The following TFEC variants were observed in gnomAD, a reference collection of about 807,000 sequenced individuals.
The protein encoded by TFEC is class E basic helix-loop-helix protein 34.
TFEC carries 31 observed loss-of-function variants against 41.6 expected under a neutral mutation model. The observed-to-expected ratio is 0.74, with a 90% CI of 0.56 to 1.01. TFEC has a LOEUF of 1.01. TFEC is among the 50% of genes least tolerant of loss of function. The pLI, the probability that TFEC is intolerant of heterozygous loss-of-function variation, is 0.00. For synonymous variants in TFEC, 143 were observed against 140.6 expected, an observed-to-expected ratio of 1.02 and a Z score of -0.12; for missense variants, 402 against 404.1, an observed-to-expected ratio of 0.99 and a Z score of 0.04.
At chr7:116,005,646 T>C (rs1390807941) in intron 1 of TFEC, among the ~76,000 whole-genome samples, 1 of 152,164 alleles carries the variant, frequency 6.6e-6, no homozygotes, top group Non-Finnish European at 1.5e-5. Flanking sequence ...AGCCTGACAA[T>C]GCAATAGAAA....
At chr7:116,115,722 G>T (rs768015279) in intron 1 of TFEC, among the ~76,000 whole-genome samples, 1 of 151,902 alleles carries the variant, frequency 6.6e-6, no homozygotes, top group Non-Finnish European at 1.5e-5. Context: ...GGCATATCTG[G>T]GGGTTCATTA....
At chr7:116,136,935 C>A (rs1798444368) in intron 1 of TFEC, among the ~76,000 whole-genome samples, 1 of 152,020 alleles carries the variant, frequency 6.6e-6, no homozygotes, top group African/African-American at 2.4e-5. Flanking sequence ...TATTCCAAAT[C>A]TCTTCTCAAT....
At position 116,112,534 on chromosome 7, in the gene TFEC, C is replaced by T. The variant is rs115308244; in HGVS notation, c.-68-496G>A. On this transcript the variant is annotated intron_variant, in intron 1 of 8. Coordinates refer to the TFEC transcript ENST00000484212. The stretch of plus-strand genomic sequence containing the variant: ...TGGTTGTTTGGCTAACTGATTATAG[C>T]TGTACACATGACAATTGGTGCCCAA... Among the ~76,000 whole-genome samples, 1,197 of 152,070 alleles carry T rather than the reference C, an allele frequency of 7.9e-3. 13 individuals are homozygous for T. Among genetic ancestry groups the T allele is most frequent in the African/African-American group, 0.027 (1,109 of 41,526 alleles).
At chr7:115,945,141 T>C (rs1170059145) in intron 6 of TFEC, among the ~76,000 whole-genome samples, 1 of 26,754 alleles carries the variant, frequency 3.7e-5, no homozygotes, top group Non-Finnish European at 1.7e-4. Context: ...TTGTATGGTC[T>C]TTTTTTTTTT....
rs182921555 is a variant in TFEC, at chr7:115,939,115, A to T, written c.*1436T>A. On this transcript the variant is annotated 3_prime_UTR_variant, in exon 8 of 8. Coordinates refer to ENST00000265440, the MANE Select transcript of TFEC (RefSeq NM_012252.4). ...CCTTCTGTATTTACAGTTTATGCTT[A>T]GATTTTTTATTCTATATGTCTTCTA... The T allele has an allele frequency of 6.6e-6, 1 of 152,104 alleles. No individual in the cohort carries two copies. The highest frequency in any genetic ancestry group is 1.5e-5 in the Non-Finnish European group (1 of 67,934). 9.4% of individuals were successfully genotyped at this position (152,104 alleles called of 1,614,324 possible). A position where few individuals can be genotyped will look rare whatever the true frequency, so the allele number is the denominator to read the frequency against.
intron 3 of TFEC, among the ~76,000 whole-genome samples, chr7:116,074,964 C>T (rs1200294337): frequency 6.6e-6 from 1 of 152,164 alleles, no homozygotes; most frequent in Non-Finnish European, 1.5e-5. Flanking sequence ...AGTTCTGATA[C>T]ATGACATCCT....
At chr7:116,037,882 A>C (rs578008330) in intron 3 of TFEC, among the ~76,000 whole-genome samples, 181 of 152,170 alleles carry the variant, frequency 1.2e-3, no homozygotes, top group African/African-American at 4.2e-3. Flanking sequence ...GTCAGGCAAA[A>C]GTGTGGAGGA....
intron 3 of TFEC, among the ~76,000 whole-genome samples, chr7:116,095,942 T>C (rs550382022): frequency 6.6e-6 from 1 of 152,324 alleles, no homozygotes. Context: ...TCTGTTGCCT[T>C]TGCAACTAAC....
rs182917739 is a variant in TFEC, at chr7:115,992,973, G to A, written c.-72-8460C>T. Among the ~76,000 whole-genome samples, 1,188 of 152,218 alleles carry A rather than the reference G, an allele frequency of 7.8e-3. 26 individuals carry two copies. Among genetic ancestry groups the A allele is most frequent in the African/African-American group, 0.027 (1,128 of 41,520 alleles). On this transcript the variant is annotated intron_variant, in intron 1 of 7. Coordinates refer to ENST00000265440, the MANE Select transcript of TFEC (RefSeq NM_012252.4). ...ATCCTCAGTAAAATACTGGCAAACC[G>A]AATCCAGCAGCACATTAAAAAGCTT...
intron 1 of TFEC, among the ~76,000 whole-genome samples, chr7:116,001,699 A>G (rs1392967220): frequency 2.6e-4 from 40 of 152,162 alleles, no homozygotes. Context: ...CAATCAACAA[A>G]GTGAAGAGAC....
upstream of TFEC, among the ~76,000 whole-genome samples, chr7:116,034,502 G>T (rs1261850953): frequency 2.6e-5 from 4 of 151,676 alleles, no homozygotes; most frequent in Admixed American, 2.6e-4. Context: ...CCTTCAACGT[G>T]TCCATCAGTA....
At chr7:116,118,552 C>T (rs954923211) in intron 1 of TFEC, among the ~76,000 whole-genome samples, 14 of 151,616 alleles carry the variant, frequency 9.2e-5, no homozygotes, top group African/African-American at 3.1e-4. Context: ...CTTTTGCCCC[C>T]TATATAAGTC....
chr7:116,137,358 G>A (rs112290250), intron 1 of TFEC, among the ~76,000 whole-genome samples: 1 of 152,084 alleles, frequency 6.6e-6, no homozygotes, highest in Non-Finnish European at 1.5e-5. Context: ...AATCCTCAAG[G>A]GAAAGAAATA....
At chr7:116,107,890 T>C (rs1214400217) in intron 3 of TFEC, among the ~76,000 whole-genome samples, 1 of 152,192 alleles carries the variant, frequency 6.6e-6, no homozygotes, top group Non-Finnish European at 1.5e-5. Context: ...AACTAGATTA[T>C]TGAAGAATTA....
intron 3 of TFEC, among the ~76,000 whole-genome samples, chr7:115,961,665 A>G (rs958337380): frequency 6.6e-6 from 1 of 151,740 alleles, no homozygotes; most frequent in Non-Finnish European, 1.5e-5. Context: ...AAACTGATTA[A>G]ATGAATAACA....
chr7:115,958,275 A>G (rs144082944), intron 3 of TFEC, among the ~76,000 whole-genome samples: 48 of 151,986 alleles, frequency 3.2e-4, no homozygotes, highest in African/African-American at 1.1e-3. Flanking sequence ...TATTCTTTGG[A>G]AGAAATCCAA....
At chr7:116,043,302 C>T (rs923287234) in intron 3 of TFEC, among the ~76,000 whole-genome samples, 1 of 151,820 alleles carries the variant, frequency 6.6e-6, no homozygotes, top group Non-Finnish European at 1.5e-5. Context: ...TCTCTCAAGA[C>T]AATTTGAAAA....
intron 1 of TFEC, among the ~76,000 whole-genome samples, chr7:116,015,519 G>C (rs1008677573): frequency 2.0e-5 from 3 of 151,990 alleles, no homozygotes; most frequent in African/African-American, 7.3e-5. Context: ...GCTTTTAGTA[G>C]GATAATAATG....
intron 3 of TFEC, among the ~76,000 whole-genome samples, chr7:116,106,910 T>G (rs1227062014): frequency 6.6e-6 from 1 of 152,208 alleles, no homozygotes; most frequent in African/African-American, 2.4e-5. Context: ...AATTTTTCTT[T>G]TAATTGCATA....
Sources: allele counts gnomAD v4.1 joint callset (sites outside exome capture counted in the v4.1 genomes callset), GRCh38; gene constraint gnomAD v4.1.1; transcripts MANE v1.5; gene names NCBI Gene and HGNC (gene_info 2026-07-23, HGNC 2026-07-21).